PPP3CC: variants seen among roughly 807,000 people sequenced by gnomAD.
PPP3CC encodes serine/threonine-protein phosphatase 2B catalytic subunit gamma isoform.
A neutral mutation model predicts 60.3 loss-of-function variants in PPP3CC; 35 were observed. The ratio of observed to expected loss-of-function variants is 0.58; its 90% confidence interval spans 0.44 to 0.77. The LOEUF (loss-of-function observed/expected upper bound fraction) is 0.77, where lower values mean the gene tolerates loss of function less well. PPP3CC is among the 30% of genes least tolerant of loss of function. The pLI is 0.00. For missense variants in PPP3CC, 570 were observed against 628.9 expected, an observed-to-expected ratio of 0.91 and a Z score of 1.00; for synonymous variants, 206 against 224.3, an observed-to-expected ratio of 0.92 and a Z score of 0.73.
At chr8:22,465,317 T>C (rs1837487171) in intron 1 of PPP3CC, among the ~76,000 whole-genome samples, 1 of 151,998 alleles carries the variant, frequency 6.6e-6, no homozygotes, top group Admixed American at 6.6e-5. Flanking sequence ...TTAAATATGA[T>C]CCCCAGAAAG....
At chr8:22,524,480 T>C (rs1339271748) in intron 8 of PPP3CC, among the ~76,000 whole-genome samples, 1 of 152,236 alleles carries the variant, frequency 6.6e-6, no homozygotes, top group Non-Finnish European at 1.5e-5. Context: ...GAGCCTTATC[T>C]GTCCTACAAT....
intron 6 of PPP3CC, among the ~76,000 whole-genome samples, chr8:22,520,153 G>A (rs878990278): frequency 1.3e-5 from 2 of 151,822 alleles, no homozygotes; most frequent in African/African-American, 2.4e-5. Context: ...ATTATCTCCC[G>A]CTTTCCTGGC....
chr8:22,497,653 A>G (rs1051530297), intron 3 of PPP3CC, among the ~76,000 whole-genome samples: 4 of 152,194 alleles, frequency 2.6e-5, no homozygotes, highest in African/African-American at 9.7e-5. Flanking sequence ...AGTTTTGAAC[A>G]GTAGCAGAGA....
intron 3 of PPP3CC, among the ~76,000 whole-genome samples, chr8:22,481,736 C>T (rs1309466330): frequency 1.3e-5 from 2 of 151,832 alleles, no homozygotes; most frequent in African/African-American, 2.4e-5. Context: ...ATGTTCCCCT[C>T]CCTGTGTTCT....
At chr8:22,490,979 T>C (rs960032595) in intron 3 of PPP3CC, among the ~76,000 whole-genome samples, 1 of 152,206 alleles carries the variant, frequency 6.6e-6, no homozygotes, top group Admixed American at 6.5e-5. Flanking sequence ...AGTAATGGGA[T>C]AAGATATATC....
intron 8 of PPP3CC, among the ~76,000 whole-genome samples, chr8:22,525,038 C>A (rs1042445322): frequency 6.6e-6 from 1 of 152,112 alleles, no homozygotes; most frequent in African/African-American, 2.4e-5. Flanking sequence ...ATAGTCCTAG[C>A]TACTCAGGAG....
Position 22,502,610 on chromosome 8 carries a change from C to T in PPP3CC, c.484+4498C>T, listed in dbSNP as rs535511972. On this transcript the variant is annotated intron_variant, in intron 4 of 13. Transcript: ENST00000240139. Reference sequence around the variant, plus strand: ...GGCTGAGGCAGGAGGATTGCATGAGCCCAGGAATTCAAGGCTGCAGTCAGC... The same window carrying T: ...GGCTGAGGCAGGAGGATTGCATGAGTCCAGGAATTCAAGGCTGCAGTCAGC... Among the ~76,000 whole-genome samples the T allele has an allele frequency of 2.8e-4, 42 of 152,084 alleles. 1 individual carries two copies. The highest frequency in any genetic ancestry group is 6.0e-4 in the Non-Finnish European group (41 of 67,982).
chr8:22,505,473 A>AT (rs1462931909), intron 4 of PPP3CC, among the ~76,000 whole-genome samples: 1 of 152,196 alleles, frequency 6.6e-6, no homozygotes, highest in Non-Finnish European at 1.5e-5. Context: ...TCATTGCAGC[A>AT]TTTTTTAGAG....
intron 1 of PPP3CC, among the ~76,000 whole-genome samples, chr8:22,462,575 CTTTT>C (rs779444558): frequency 7.0e-6 from 1 of 142,908 alleles, no homozygotes. Flanking sequence ...TTTCTTTTTT[CTTTT>C]TTTTTTTTTG....
chr8:22,449,471 A>T (rs1338616543), intron 1 of PPP3CC, among the ~76,000 whole-genome samples: 2 of 140,316 alleles, frequency 1.4e-5, no homozygotes, highest in Non-Finnish European at 3.1e-5. Context: ...AAAAAAAAAA[A>T]AGGAAATGCC....
At chr8:22,465,032 A>G (rs1429262661) in intron 1 of PPP3CC, among the ~76,000 whole-genome samples, 2 of 143,264 alleles carry the variant, frequency 1.4e-5, no homozygotes, top group Non-Finnish European at 3.0e-5. Flanking sequence ...ATCTTGGCTC[A>G]CTGCAGCCTC....
chr8:22,528,777 C>T (rs890253012), intron 10 of PPP3CC, among the ~76,000 whole-genome samples, 200 bp downstream of exon 10: 2 of 152,180 alleles, frequency 1.3e-5, no homozygotes, highest in African/African-American at 4.8e-5. Flanking sequence ...TAGATATCCA[C>T]AGTTAACATC....
chr8:22,461,290 A>C (rs1837355520), intron 1 of PPP3CC, among the ~76,000 whole-genome samples: 1 of 152,148 alleles, frequency 6.6e-6, no homozygotes, highest in Admixed American at 6.5e-5. Context: ...TTTACATTAG[A>C]TATGAAGCTA....
rs748660461 is a variant in PPP3CC, at chr8:22,522,627, G to T, written c.849-28G>T. 3 of 1,588,022 alleles carry T rather than the reference G, an allele frequency of 1.9e-6. No individual in the cohort carries two copies. The African/African-American group carries it at 4.0e-5, about 21-fold the overall frequency. On this transcript the variant is annotated intron_variant, in intron 7 of 13. Transcript: ENST00000240139. ...GCAGAGTCTTTGCATTTAATATGCAGACAGATGGACTTTCATCTCTTTTTC... is the reference window on the plus strand; with the variant it reads ...GCAGAGTCTTTGCATTTAATATGCATACAGATGGACTTTCATCTCTTTTTC...
At chr8:22,445,490 T>C (rs1023055964) in intron 1 of PPP3CC, among the ~76,000 whole-genome samples, 2 of 152,226 alleles carry the variant, frequency 1.3e-5, no homozygotes, top group African/African-American at 4.8e-5. Flanking sequence ...TTTAATACCT[T>C]TGTGTGTTTC....
intron 1 of PPP3CC, among the ~76,000 whole-genome samples, chr8:22,469,154 T>TA (rs899662680): frequency 6.6e-6 from 1 of 151,978 alleles, no homozygotes; most frequent in South Asian, 2.1e-4. Context: ...TGTTCAACCA[T>TA]AAAAAAACAA....
intron 8 of PPP3CC, chr8:22,523,738 G>A (rs1004892681): frequency 4.5e-6 from 2 of 445,366 alleles, no homozygotes; most frequent in Non-Finnish European, 9.0e-6. Flanking sequence ...GTCATTCGGA[G>A]TCAAGACTGA....
intron 3 of PPP3CC, among the ~76,000 whole-genome samples, chr8:22,489,844 T>C (rs1218749855): frequency 6.7e-6 from 1 of 149,136 alleles, no homozygotes; most frequent in Non-Finnish European, 1.5e-5. Context: ...TAATTTGAGA[T>C]GGAGTCTTGC....
intron 3 of PPP3CC, among the ~76,000 whole-genome samples, chr8:22,494,991 G>A (rs1838521619): frequency 6.6e-6 from 1 of 151,888 alleles, no homozygotes; most frequent in East Asian, 1.9e-4. Flanking sequence ...ACCCAGGTTG[G>A]AGTGCAGTGG....
Sources: gnomAD v4.1 joint callset for allele counts (sites outside exome capture counted in the v4.1 genomes callset) on GRCh38, gnomAD v4.1.1 for gene constraint, MANE v1.5 for transcripts, NCBI Gene and HGNC (gene_info 2026-07-23, HGNC 2026-07-21) for gene names.